Variants in COL5A1 observed in about 807,000 individuals in gnomAD.
COL5A1 encodes the protein collagen alpha-1(V) chain.
Under a neutral mutation model 263.7 loss-of-function variants are expected in COL5A1, and 16 were observed. The ratio of observed to expected loss-of-function variants is 0.06; its 90% CI spans 0.04 to 0.09. The LOEUF is 0.09. Ranked by LOEUF, COL5A1 falls within the 10% of genes least tolerant of loss-of-function variation. The pLI, the probability that COL5A1 is intolerant of heterozygous loss-of-function variation, is 1.00. For missense variants in COL5A1, 2,036 were observed against 2,540.5 expected (o/e 0.80, Z 4.27); for synonymous variants, 1,012 against 1,004.5 (o/e 1.01, Z -0.14).
At chr9:134,734,132 G>C (rs1340849172) in intron 9 of COL5A1, among the ~76,000 whole-genome samples, 2 of 152,178 alleles carry the variant, frequency 1.3e-5, no homozygotes, top group Non-Finnish European at 2.9e-5. Context: ...GTGTGGGGTG[G>C]GCACAGGTTT....
At position 134,821,973 on chromosome 9, in the gene COL5A1, G is replaced by C; in HGVS notation, c.4555-124G>C. On this transcript the variant is annotated intron_variant, in intron 58 of 65. Transcript: ENST00000371817. This position sits in a 1 kb window ranked among gnomAD's most constrained non-coding sequence, Gnocchi z 4.2. ...AAGCAGCCACAGGAGGCTGCTGAGG[G>C]GCCAAAGGGCATACCGTGGGGAAGG... 1 of 855,804 alleles carries C rather than the reference G, an allele frequency of 1.2e-6. No homozygotes were observed. The highest frequency in any genetic ancestry group is 2.0e-6 in the Non-Finnish European group (1 of 498,034). The allele number at this position is 855,804 out of a possible 1,614,324, so 53.0% of individuals were successfully genotyped here.
At chr9:134,731,149 C>G (rs555995692) in intron 7 of COL5A1, among the ~76,000 whole-genome samples, 1 of 152,216 alleles carries the variant, frequency 6.6e-6, no homozygotes, top group Admixed American at 6.5e-5. Context: ...GAGGACACCT[C>G]GTTCCAGCAG....
intron 4 of COL5A1, among the ~76,000 whole-genome samples, chr9:134,707,900 G>A (rs1277694164): frequency 7.2e-5 from 11 of 152,322 alleles, no homozygotes; most frequent in Admixed American, 2.6e-4. Flanking sequence ...GCACACAGGC[G>A]GGCGAGACTG....
intron 31 of COL5A1, among the ~76,000 whole-genome samples, chr9:134,786,853 C>T (rs1052946906): frequency 2.6e-5 from 4 of 152,202 alleles, no homozygotes; most frequent in African/African-American, 9.6e-5. Context: ...GCCTCAGCAC[C>T]TTTTCGGTCT....
rs1179344434 is a variant in COL5A1 at position 134,727,316 on chromosome 9, T to C, written c.705T>C (p.Asp235=). The part of the protein sequence containing the change: ...LFVSDHRAAY[D]YCEHYSPDCD... ...TCTCGGACCACCGGGCAGCTTATGA[T>C]TACTGTGAGCACTACAGCCCTGACT... The change falls in exon 5 of 66, where the codon GAT becomes GAC. Residue 235 remains aspartate (D), a synonymous_variant. Transcript: ENST00000371817. 6.2e-7 allele frequency: 1 copy of C among 1,614,062 alleles called. No individual in the cohort carries two copies. Among genetic ancestry groups the C allele is most frequent in the South Asian group, 1.1e-5 (1 of 91,074 alleles).
chr9:134,768,563 A>G, intron 25 of COL5A1, 100 bp downstream of exon 25: 3 of 1,235,248 alleles, frequency 2.4e-6, no homozygotes, highest in Non-Finnish European at 3.6e-6. Context: ...GTTGGACGGC[A>G]TTGACTCATT....
chr9:134,815,516 G>A (rs376317185), intron 50 of COL5A1, 60 bp from the exon 51 acceptor site: 571 of 1,545,070 alleles, frequency 3.7e-4, no homozygotes, highest in Middle Eastern at 2.3e-3. Context: ...ATGATTGGCC[G>A]TGTGTGGTCT....
intron 4 of COL5A1, among the ~76,000 whole-genome samples, chr9:134,707,001 C>G (rs187906992): frequency 2.6e-4 from 40 of 152,340 alleles, no homozygotes; most frequent in Non-Finnish European, 5.4e-4. Flanking sequence ...ATGCACCTCT[C>G]TAGAGTCTCA....
At chr9:134,768,378 C>T in intron 24 of COL5A1, 32 bp from the exon 25 acceptor site, 1 of 1,598,368 alleles carries the variant, frequency 6.3e-7, no homozygotes, top group Non-Finnish European at 8.6e-7. Context: ...CTAGGGAGGG[C>T]ATCTCCTCAT....
intron 63 of COL5A1, among the ~76,000 whole-genome samples, chr9:134,827,822 A>C (rs1459864688): frequency 2.6e-5 from 4 of 152,228 alleles, no homozygotes; most frequent in African/African-American, 7.2e-5. Context: ...GCGCTTGCCC[A>C]CATCCCGGGA....
intron 28 of COL5A1, among the ~76,000 whole-genome samples, chr9:134,782,278 C>T (rs1478956368): frequency 6.6e-6 from 1 of 152,226 alleles, no homozygotes; most frequent in Non-Finnish European, 1.5e-5. Context: ...ATCCAGCTCC[C>T]CGTCCTCAAT....
chr9:134,832,299 G>A lies in COL5A1; in HGVS notation c.5136+2255G>A, dbSNP rs545110758. Among the ~76,000 whole-genome samples the A allele has an allele frequency of 5.9e-5, 9 of 152,218 alleles. No homozygotes were observed. In the South Asian group the frequency reaches 1.0e-3, roughly 18 times the overall value. On this transcript the variant is annotated intron_variant, in intron 64 of 65. Coordinates refer to ENST00000371817, the MANE Select transcript of COL5A1 (RefSeq NM_000093.5). ...TGTGCACCTGTAATTCCAGCTACTCGGGAGGCTGAGGCAGGAGAATCTCTT... is the reference window on the plus strand; with the variant it reads ...TGTGCACCTGTAATTCCAGCTACTCAGGAGGCTGAGGCAGGAGAATCTCTT...
chr9:134,796,826 A>G lies in COL5A1; in HGVS notation c.2845-22A>G, dbSNP rs574954328. 25 of 1,613,478 alleles carry G rather than the reference A, an allele frequency of 1.5e-5. No homozygotes were observed. The South Asian group carries it at 2.7e-4, about 18-fold the overall frequency. On this transcript the variant is annotated intron_variant, in intron 35 of 65. Transcript: ENST00000371817. ...CTCGGGAGAGACCTCTTGTCCTCAA[A>G]CTGGCCTTTCTCTGTTCCCAGGGAC...
chr9:134,692,266 C>T (rs1402221617), intron 2 of COL5A1, among the ~76,000 whole-genome samples: 3 of 152,188 alleles, frequency 2.0e-5, no homozygotes, highest in South Asian at 4.1e-4. Flanking sequence ...CCTCTGGGTA[C>T]CAGAGTGGCC....
rs753326365 is a variant in COL5A1, at chr9:134,763,699, G to A, written c.1996G>A (p.Asp666Asn). The change falls in exon 20 of 66, where the codon GAC becomes AAC. Residue 666 changes from aspartate (D) to asparagine (N), a missense_variant. By Grantham distance (23) the Asp-to-Asn change is conservative (BLOSUM62 1). This residue lies in a region of COL5A1 where 1,078 missense variants were observed against 1,521.4 expected (regional missense o/e 0.71). Transcript: ENST00000371817. ...CCTTTTTTCTCCTCTGCAGGGTGAC[G>A]ACGGAGAAGTTGGGCCCAGGGGGCT... ...PPGDDGERGD[D>N]GEVGPRGLPG... is the part of the protein sequence containing the mutation. The A allele has an allele frequency of 2.5e-6, 4 of 1,613,622 alleles. No homozygotes were observed. Among genetic ancestry groups the A allele is most frequent in the East Asian group, 2.2e-5 (1 of 44,852 alleles).
At chr9:134,773,080 C>T (rs959684256) in intron 26 of COL5A1, among the ~76,000 whole-genome samples, 11 of 152,208 alleles carry the variant, frequency 7.2e-5, no homozygotes, top group Non-Finnish European at 1.2e-4. Context: ...TGCCCATGAC[C>T]GGATCGGGTG....
rs1055043793 is a variant in COL5A1, at chr9:134,680,439, G to C, written c.110-10473G>C. ...GACAGCAGGCCCCTTCCAGGTGCGA[G>C]CTCCCTGCCCGGCACACCTGTACCT... On this transcript the variant is annotated intron_variant, in intron 1 of 65. Transcript: ENST00000371817. This position sits in a 1 kb window ranked among gnomAD's most constrained non-coding sequence, Gnocchi z 5.9. Among the ~76,000 whole-genome samples the C allele has an allele frequency of 5.9e-5, 9 of 152,322 alleles. No homozygotes were observed. Among genetic ancestry groups the C allele is most frequent in the Admixed American group, 3.3e-4 (5 of 15,304 alleles).
At chr9:134,836,589 G>A (rs532277097) in intron 65 of COL5A1, among the ~76,000 whole-genome samples, 42 of 152,344 alleles carry the variant, frequency 2.8e-4, no homozygotes, top group Non-Finnish European at 1.5e-5. Flanking sequence ...GTGAGGCCTG[G>A]GCAGGCAGGA....
At chr9:134,739,621 C>T (rs555111997) in intron 11 of COL5A1, among the ~76,000 whole-genome samples, 1 of 152,284 alleles carries the variant, frequency 6.6e-6, no homozygotes, top group African/African-American at 2.4e-5. Flanking sequence ...GGGATGCTTC[C>T]CAGGTTACTG....
Sources: allele counts gnomAD v4.1 joint callset (sites outside exome capture counted in the v4.1 genomes callset), GRCh38; gene constraint gnomAD v4.1.1; regional missense constraint gnomAD v4.1.1; non-coding constraint Gnocchi (gnomAD v3.1); transcripts MANE v1.5; gene names NCBI Gene and HGNC (gene_info 2026-07-23, HGNC 2026-07-21).